ROCK1: variants seen among roughly 807,000 people sequenced by gnomAD.
ROCK1 encodes rho-associated protein kinase 1.
Under a neutral mutation model 196.8 loss-of-function variants are expected in ROCK1, and 36 were observed. The ratio of observed to expected loss-of-function variants is 0.18; its 90% CI spans 0.14 to 0.24. The LOEUF (loss-of-function observed/expected upper bound fraction) is 0.24. ROCK1 is among the 10% of genes least tolerant of loss of function. The pLI, the probability that ROCK1 is intolerant of heterozygous loss-of-function variation, is 1.00. For synonymous variants in ROCK1, 443 were observed against 515.9 expected (o/e 0.86, Z 1.91); for missense variants, 920 against 1,562.0 (o/e 0.59, Z 6.93).
chr18:21,001,520 C>T (rs1412601259), intron 16 of ROCK1, among the ~76,000 whole-genome samples: 1 of 152,124 alleles, frequency 6.6e-6, no homozygotes, highest in Non-Finnish European at 1.5e-5. Context: ...GTAATCCCAG[C>T]ACTTTGGGAG....
intron 2 of ROCK1, among the ~76,000 whole-genome samples, chr18:21,066,035 T>C (rs2036331566): frequency 6.6e-6 from 1 of 152,192 alleles, no homozygotes; most frequent in African/African-American, 2.4e-5. Context: ...CTACATCTGA[T>C]ATATGTCAGC....
chr18:20,997,793 C>T (rs2035685069), intron 16 of ROCK1, among the ~76,000 whole-genome samples: 1 of 151,626 alleles, frequency 6.6e-6, no homozygotes. Context: ...TATCTATCTT[C>T]TCTGACCACA....
chr18:21,006,319 G>A (rs376285626), intron 16 of ROCK1, 32 bp downstream of exon 16: 318 of 1,524,690 alleles, frequency 2.1e-4, no homozygotes, highest in Middle Eastern at 5.6e-4. Context: ...TTCATGTTAC[G>A]TATATTTTAC....
chr18:21,075,972 G>GA (rs1044508683), intron 1 of ROCK1, among the ~76,000 whole-genome samples: 2 of 144,144 alleles, frequency 1.4e-5, no homozygotes, highest in Admixed American at 6.9e-5. Flanking sequence ...AAAAAGGAAA[G>GA]AAAAAAAAGA....
intron 1 of ROCK1, among the ~76,000 whole-genome samples, chr18:21,073,862 A>C (rs1232797992): frequency 6.6e-6 from 1 of 152,148 alleles, no homozygotes; most frequent in Non-Finnish European, 1.5e-5. Flanking sequence ...GTTTTAACTA[A>C]GTCCCTTAGG....
chr18:21,072,518 C>T (rs867283914), intron 1 of ROCK1, among the ~76,000 whole-genome samples: 1 of 152,108 alleles, frequency 6.6e-6, no homozygotes, highest in Non-Finnish European at 1.5e-5. Flanking sequence ...GAGGCAGGAA[C>T]CTTAGCTTTT....
Position 20,998,597 on chromosome 18 carries a change from C to CTTTT in ROCK1, c.1886-5664_1886-5661dup, listed in dbSNP as rs541265477. Reference sequence around the variant, plus strand: ...GACTTTACTGCTAAATTTTACCAAACTTTTTTTTTTTTTTTTTTTTTTTTT... The same window carrying CTTTT: ...GACTTTACTGCTAAATTTTACCAAACTTTTTTTTTTTTTTTTTTTTTTTTTTTTT... On this transcript the variant is annotated intron_variant, in intron 16 of 32. Transcript: ENST00000399799. Among the ~76,000 whole-genome samples, 190 of 97,322 alleles carry CTTTT rather than the reference C, an allele frequency of 2.0e-3. 3 individuals carry two copies. Among genetic ancestry groups the CTTTT allele is most frequent in the African/African-American group, 5.2e-3 (124 of 23,690 alleles). The allele number at this position is 97,322 out of a possible 152,430, so 63.8% of individuals were successfully genotyped here. A position where few individuals can be genotyped will look rare whatever the true frequency, so the allele number is the denominator to read the frequency against.
intron 1 of ROCK1, among the ~76,000 whole-genome samples, chr18:21,075,169 A>G (rs2036419208): frequency 1.3e-5 from 2 of 152,208 alleles, no homozygotes; most frequent in African/African-American, 2.4e-5. Context: ...TGGCAATGAT[A>G]AAGATGATAA....
intron 1 of ROCK1, among the ~76,000 whole-genome samples, chr18:21,103,315 G>A (rs1171429421): frequency 6.6e-6 from 1 of 152,030 alleles, no homozygotes; most frequent in Non-Finnish European, 1.5e-5. Flanking sequence ...TACTAAAGAT[G>A]GTTGACAGTC....
intron 13 of ROCK1, among the ~76,000 whole-genome samples, chr18:21,015,149 C>A (rs1303166226): frequency 2.6e-5 from 4 of 152,120 alleles, no homozygotes; most frequent in African/African-American, 9.7e-5. Flanking sequence ...TCGCTTGCTT[C>A]TCTGGCTCCT....
In ROCK1 at chr18:20,986,806, ACCAT is replaced by A; in HGVS notation, c.2304+140_2304+143del. The A allele has an allele frequency of 4.5e-6, 3 of 664,916 alleles. No homozygotes were observed. The South Asian group carries it at 7.1e-5, about 16-fold the overall frequency. 41.2% of individuals were successfully genotyped at this position (664,916 alleles called of 1,614,324 possible). On this transcript the variant is annotated intron_variant, in intron 19 of 32. Transcript: ENST00000399799. Reference sequence around the variant, plus strand: ...GAGGAAAATTCTAGGTGCTGGGGTGACCATACAGCAGTGAACACAGACCCATGTC... The same window carrying A: ...GAGGAAAATTCTAGGTGCTGGGGTGAACAGCAGTGAACACAGACCCATGTC...
intron 1 of ROCK1, among the ~76,000 whole-genome samples, chr18:21,098,240 G>A (rs1465687936): frequency 1.3e-5 from 2 of 152,114 alleles, no homozygotes; most frequent in Admixed American, 6.5e-5. Context: ...AAAAGCAAGA[G>A]AGACCAATGG....
chr18:21,092,049 T>C (rs2036575097), intron 1 of ROCK1, among the ~76,000 whole-genome samples: 1 of 152,172 alleles, frequency 6.6e-6, no homozygotes, highest in Non-Finnish European at 1.5e-5. Context: ...TTTTCAATTA[T>C]TAGGGGAGTC....
At chr18:20,994,886 A>T (rs1176656109) in intron 16 of ROCK1, among the ~76,000 whole-genome samples, 1 of 152,230 alleles carries the variant, frequency 6.6e-6, no homozygotes, top group Non-Finnish European at 1.5e-5. Context: ...AAGGGCCCAA[A>T]CACTAGGTAT....
intron 1 of ROCK1, among the ~76,000 whole-genome samples, chr18:21,095,532 T>TA (rs1442352370): frequency 6.6e-6 from 1 of 152,052 alleles, no homozygotes; most frequent in Non-Finnish European, 1.5e-5. Context: ...TAAAAAAGAA[T>TA]AAAATCCTAT....
rs1484388083 is a variant in ROCK1 at position 21,045,465 on chromosome 18, A to C, written c.417T>G (p.Leu139=). The part of the protein sequence containing the change: ...AFANSPWVVQ[L]FYAFQDDRYL... ...AACGATCATCTTGGAATGCATAAAA[A>C]AGCTATACAAATAGAAAAAACAAAC... Residue 139 remains leucine (L), a splice_region_variant and synonymous_variant, in exon 5 of 33, where the codon CTT becomes CTG. Coordinates refer to ENST00000399799, the MANE Select transcript of ROCK1 (RefSeq NM_005406.3). 6.3e-7 allele frequency: 1 copy of C among 1,583,668 alleles called. No individual in the cohort carries two copies. Among genetic ancestry groups the C allele is most frequent in the Non-Finnish European group, 8.6e-7 (1 of 1,167,942 alleles).
rs144661254 is a variant in ROCK1, at chr18:20,966,343, G to C, written c.3352+574C>G. On this transcript the variant is annotated intron_variant, in intron 27 of 32. Coordinates refer to ENST00000399799, the MANE Select transcript of ROCK1 (RefSeq NM_005406.3). ...TGGGAAAAAGAAGACACAGAAAAAA[G>C]TCTCAAATCTTAGCCACTCATTCCT... Among the ~76,000 whole-genome samples, 505 of 152,158 alleles carry C rather than the reference G, an allele frequency of 3.3e-3. 2 individuals carry two copies. Among genetic ancestry groups the C allele is most frequent in the African/African-American group, 0.012 (487 of 41,520 alleles).
chr18:21,030,676 T>C (rs1201714864), intron 9 of ROCK1, among the ~76,000 whole-genome samples: 1 of 152,248 alleles, frequency 6.6e-6, no homozygotes, highest in Non-Finnish European at 1.5e-5. Context: ...GCTTAGGCTT[T>C]ATATAATGCC....
chr18:21,015,501 A>G (rs1450520312), intron 12 of ROCK1, 22 bp from the exon 13 acceptor site: 1 of 1,446,482 alleles, frequency 6.9e-7, no homozygotes, highest in South Asian at 1.2e-5. Context: ...AAAGCAATAC[A>G]GATTAGAAAT....
Sources: allele counts gnomAD v4.1 joint callset (sites outside exome capture counted in the v4.1 genomes callset), GRCh38; gene constraint gnomAD v4.1.1; transcripts MANE v1.5; gene names NCBI Gene and HGNC (gene_info 2026-07-23, HGNC 2026-07-21).